The following CILP2 variants were observed in gnomAD, a reference collection of about 807,000 sequenced individuals.
The protein encoded by CILP2 is cartilage intermediate layer protein 2.
In CILP2, 38 loss-of-function variants were observed where a neutral mutation model predicts 45.6. The ratio of observed to expected loss-of-function variants is 0.83; its 90% CI spans 0.64 to 1.09. CILP2 has a LOEUF of 1.09. Among genes scored for constraint, CILP2 ranks in the 50% least tolerant of loss-of-function variants. CILP2 has a pLI of 0.00. For synonymous variants in CILP2, 780 were observed against 723.5 expected (o/e 1.08, Z -1.25); for missense variants, 1,735 against 1,662.2 (o/e 1.04, Z -0.76).
At position 19,543,895 on chromosome 19, in the gene CILP2, C is replaced by T. The variant is rs1262159424; in HGVS notation, c.1350C>T (p.Cys450=). 13 of 1,613,730 alleles carry T rather than the reference C, an allele frequency of 8.1e-6. No individual in the cohort carries two copies. Among genetic ancestry groups the T allele is most frequent in the South Asian group, 2.2e-5 (2 of 91,090 alleles). Residue 450 remains cysteine, a synonymous_variant, in exon 8 of 8, where the codon TGC becomes TGT. Coordinates refer to ENST00000291495, the MANE Select transcript of CILP2 (RefSeq NM_153221.2). The part of the protein sequence containing the change: ...VRRLERREIH[C]PGYVLPVKVV... Reference sequence around the variant, plus strand: ...GTCTGGAGAGAAGGGAGATTCACTGCCCTGGCTACGTCCTCCCAGTGAAGG... The same window carrying T: ...GTCTGGAGAGAAGGGAGATTCACTGTCCTGGCTACGTCCTCCCAGTGAAGG...
chr19:19,545,607 T>A lies in CILP2; in HGVS notation c.3062T>A (p.Val1021Glu). The change falls in exon 8 of 8, where the codon GTG (valine) becomes GAG (glutamate). Residue 1021 changes from valine to glutamate, a missense_variant. Physicochemically the swap from Val to Glu is moderately radical, Grantham distance 121. Transcript: ENST00000291495. ...ATGCCCCAGGGCAGCTGCCGGCGCGTGGCCGTCAACGGACTCCTTCGGGAT... is the reference window on the plus strand; with the variant it reads ...ATGCCCCAGGGCAGCTGCCGGCGCGAGGCCGTCAACGGACTCCTTCGGGAT... The part of the protein sequence containing the change: ...TIMPQGSCRR[V>E]AVNGLLRDYL... The A allele has an allele frequency of 6.2e-7, 1 of 1,609,012 alleles. No homozygotes were observed. Among genetic ancestry groups the A allele is most frequent in the Non-Finnish European group, 8.5e-7 (1 of 1,177,548 alleles).
In CILP2 at chr19:19,539,579, AAGGG is replaced by A; in HGVS notation, c.65-99_65-96del. Reference sequence around the variant, plus strand: ...ATTCCGTCTCAAAAAAAAAAAAAAAAAGGGGGGGGATGATCGTGGCTGCACCTTG... The same window carrying A: ...ATTCCGTCTCAAAAAAAAAAAAAAAAGGGGGATGATCGTGGCTGCACCTTG... On this transcript the variant is annotated intron_variant, in intron 1 of 7. Coordinates refer to ENST00000291495, the MANE Select transcript of CILP2 (RefSeq NM_153221.2). 13 of 652,682 alleles carry A rather than the reference AAGGG, an allele frequency of 2.0e-5. No homozygotes were observed. The South Asian group carries it at 4.1e-4, about 20-fold the overall frequency. The allele number at this position is 652,682 out of a possible 1,614,324, so 40.4% of individuals were successfully genotyped here.
Position 19,542,535 on chromosome 19 carries a change from C to T in CILP2, c.753C>T (p.Val251=). 6.2e-7 allele frequency: 1 copy of T among 1,614,056 alleles called. No individual in the cohort carries two copies. The change falls in exon 5 of 8, where the codon GTC becomes GTT. Residue 251 remains valine, a synonymous_variant. Coordinates refer to ENST00000291495, the MANE Select transcript of CILP2 (RefSeq NM_153221.2). Reference sequence around the variant, plus strand: ...ACGGAACCTTCCGGGTGCCTGGTGTCTGTGCTGACAGCCGCGCCAACATCA... The same window carrying T: ...ACGGAACCTTCCGGGTGCCTGGTGTTTGTGCTGACAGCCGCGCCAACATCA... ...DAHGTFRVPG[V]CADSRANIRA...
At chr19:19,541,290 A>AG in intron 4 of CILP2, 44 bp downstream of exon 4, 1 of 1,261,148 alleles carries the variant, frequency 7.9e-7, no homozygotes. Context: ...TACAGAGGGG[A>AG]GGAAGGGGAG....
chr19:19,541,903 GT>G (rs1446415425), intron 4 of CILP2, among the ~76,000 whole-genome samples: 1 of 152,214 alleles, frequency 6.6e-6, no homozygotes, highest in East Asian at 1.9e-4. Context: ...CCAATGGGGC[GT>G]TGGGGTCCCC....
At position 19,543,423 on chromosome 19, in the gene CILP2, C is replaced by T. The variant is rs1370309264; in HGVS notation, c.1135+18C>T. 1 of 1,611,838 alleles carries T rather than the reference C, an allele frequency of 6.2e-7. No homozygotes were observed. The highest frequency in any genetic ancestry group is 2.2e-5 in the East Asian group (1 of 44,830). On this transcript the variant is annotated intron_variant, in intron 7 of 7. Transcript: ENST00000291495. The stretch of plus-strand genomic sequence containing the variant: ...TGTACTTGGTGAGTGTCCTTGGCCA[C>T]AGCCCCGAGCAAGCCTTCACCCAAA...
intron 3 of CILP2, 176 bp from the exon 4 acceptor site, chr19:19,540,915 A>G: frequency 1.9e-6 from 1 of 528,314 alleles, no homozygotes; most frequent in Non-Finnish European, 2.9e-6. Context: ...TGTCTTCGAC[A>G]GGCGCGCCTA....
At chr19:19,541,601 G>A (rs2061244583) in intron 4 of CILP2, among the ~76,000 whole-genome samples, 1 of 152,186 alleles carries the variant, frequency 6.6e-6, no homozygotes, top group African/African-American at 2.4e-5. Context: ...AGATAGGAGG[G>A]GGTGCTTCCC....
In CILP2 at chr19:19,544,378, C is replaced by T; in HGVS notation, c.1833C>T (p.Asp611=). Residue 611 remains aspartate, a synonymous_variant, in exon 8 of 8, where the codon GAC becomes GAT. Coordinates refer to ENST00000291495, the MANE Select transcript of CILP2 (RefSeq NM_153221.2). ...TGGAGGCCCGGGTGACGTTCGTGGA[C>T]CCCCGAGACCTCACCTCGGCGGCGT... is the stretch of plus-strand genomic sequence containing the variant. ...GPVEARVTFV[D]PRDLTSAASA... is the part of the protein sequence containing the mutation. 1 of 1,609,178 alleles carries T rather than the reference C, an allele frequency of 6.2e-7. No individual in the cohort carries two copies. The highest frequency in any genetic ancestry group is 8.5e-7 in the Non-Finnish European group (1 of 1,178,872).
At position 19,541,175 on chromosome 19, in the gene CILP2, C is replaced by G. The variant is rs202214502; in HGVS notation, c.521C>G (p.Pro174Arg). The change falls in exon 4 of 8, where the codon CCA becomes CGA. Residue 174 changes from proline to arginine, a missense_variant. Transcript: ENST00000291495. ...PGRRLRRRHC[P>R]SPAGDACPGR... ...CGTCGCTTGCGCCGCCGCCACTGCC[C>G]AAGCCCCGCTGGGGATGCGTGTCCC... 2 of 1,265,502 alleles carry G rather than the reference C, an allele frequency of 1.6e-6. No homozygotes were observed. Among genetic ancestry groups the G allele is most frequent in the African/African-American group, 3.1e-5 (2 of 65,484 alleles). 78.4% of individuals were successfully genotyped at this position (1,265,502 alleles called of 1,614,324 possible). A position where few individuals can be genotyped will look rare whatever the true frequency, so the allele number is the denominator to read the frequency against.
At position 19,540,613 on chromosome 19, in the gene CILP2, C is replaced by T. The variant is rs902454344; in HGVS notation, c.436+137C>T. ...GCGTGGCTGGGAAGAGCCGGGGGAC[C>T]CTTAGGCGTAGGACGACGTCAGGGG... On this transcript the variant is annotated intron_variant, in intron 3 of 7. Coordinates refer to ENST00000291495, the MANE Select transcript of CILP2 (RefSeq NM_153221.2). 18 of 1,051,374 alleles carry T rather than the reference C, an allele frequency of 1.7e-5. 1 individual carries two copies. In the Middle Eastern group the frequency reaches 2.9e-3, roughly 171 times the overall value. The allele number at this position is 1,051,374 out of a possible 1,614,324, so 65.1% of individuals were successfully genotyped here. A position where few individuals can be genotyped will look rare whatever the true frequency, so the allele number is the denominator to read the frequency against.
chr19:19,545,212 G>T lies in CILP2; in HGVS notation c.2667G>T (p.Gly889=), dbSNP rs1472788565. The T allele has an allele frequency of 3.1e-6, 5 of 1,612,394 alleles. No individual in the cohort carries two copies. The highest frequency in any genetic ancestry group is 1.3e-5 in the African/African-American group (1 of 74,946). ...GGCGCAGCCTGCGGGAATGCCAGGG[G>T]GCCCCGGTGACTGCCAGCCACTTCC... is the stretch of plus-strand genomic sequence containing the variant. The part of the protein sequence containing the change: ...YPWRSLRECQ[G]APVTASHFRF... The change falls in exon 8 of 8, where the codon GGG becomes GGT. Residue 889 remains glycine, a synonymous_variant. Coordinates refer to ENST00000291495, the MANE Select transcript of CILP2 (RefSeq NM_153221.2).
intron 2 of CILP2, 138 bp downstream of exon 2, chr19:19,539,915 C>T (rs1250100237): frequency 1.3e-6 from 1 of 746,324 alleles, no homozygotes; most frequent in East Asian, 3.1e-5. Context: ...ACATGACAGC[C>T]CCTGGAGGTG....
intron 5 of CILP2, 64 bp downstream of exon 5, chr19:19,542,714 CG>C: frequency 6.7e-7 from 1 of 1,483,086 alleles, no homozygotes; most frequent in Non-Finnish European, 9.2e-7. Flanking sequence ...TTCTAGCACT[CG>C]ATCAAGAGAG....
chr19:19,542,688 G>C (rs1402057439), intron 5 of CILP2, 38 bp downstream of exon 5: 14 of 1,604,700 alleles, frequency 8.7e-6, no homozygotes, highest in Non-Finnish European at 1.2e-5. Flanking sequence ...AAGGGGCTGA[G>C]GATCTGGGGA....
rs752356605 is a variant in CILP2, at chr19:19,540,480, A to G, written c.436+4A>G. On this transcript the variant is annotated splice_donor_region_variant and intron_variant, in intron 3 of 7. Coordinates refer to ENST00000291495, the MANE Select transcript of CILP2 (RefSeq NM_153221.2). ...GTGCGCTTCCGCTGCCCACTAGGTG[A>G]GGGCGGGGCTGGATGACGGGGGCGG... 2 of 924,942 alleles carry G rather than the reference A, an allele frequency of 2.2e-6. No individual in the cohort carries two copies. Among genetic ancestry groups the G allele is most frequent in the Admixed American group, 8.0e-5 (1 of 12,558 alleles). 57.3% of individuals were successfully genotyped at this position (924,942 alleles called of 1,614,324 possible). A position where few individuals can be genotyped will look rare whatever the true frequency, so the allele number is the denominator to read the frequency against.
chr19:19,540,374 C>G lies in CILP2; in HGVS notation c.334C>G (p.Arg112Gly). 6.5e-7 allele frequency: 1 copy of G among 1,543,778 alleles called. No individual in the cohort carries two copies. Among genetic ancestry groups the G allele is most frequent in the Non-Finnish European group, 8.7e-7 (1 of 1,150,026 alleles). ...DWALPSAVGE[R>G]VHLNPTRGFW... ...GGCCCTGCCGTCCGCCGTCGGCGAGCGCGTGCACTTGAACCCCACGCGCGG... is the reference window on the plus strand; with the variant it reads ...GGCCCTGCCGTCCGCCGTCGGCGAGGGCGTGCACTTGAACCCCACGCGCGG... The change falls in exon 3 of 8, where the codon CGC (arginine) becomes GGC (glycine). Residue 112 changes from arginine (R) to glycine (G), a missense_variant. By Grantham distance (125) the Arg-to-Gly change is moderately radical. Transcript: ENST00000291495.
chr19:19,540,721 G>A, intron 3 of CILP2: 2 of 500,056 alleles, frequency 4.0e-6, no homozygotes, highest in East Asian at 3.4e-5. Flanking sequence ...AGGCCCAGCG[G>A]GTCAGGACCC....
chr19:19,542,988 G>C lies in CILP2; in HGVS notation c.977+16G>C, dbSNP rs370889937. ...AATACTCCTGGTGAGCGCCCGCCCC[G>C]GGCTCAGGGGCATCTTCTGTGGCTT... On this transcript the variant is annotated intron_variant, in intron 6 of 7. Transcript: ENST00000291495. 4 of 1,491,466 alleles carry C rather than the reference G, an allele frequency of 2.7e-6. No homozygotes were observed. The South Asian group carries it at 4.6e-5, about 17-fold the overall frequency. 92.4% of individuals were successfully genotyped at this position (1,491,466 alleles called of 1,614,324 possible).
Sources: gnomAD v4.1 joint callset for allele counts (sites outside exome capture counted in the v4.1 genomes callset) on GRCh38, gnomAD v4.1.1 for gene constraint, MANE v1.5 for transcripts, NCBI Gene and HGNC (gene_info 2026-07-23, HGNC 2026-07-21) for gene names.